The following SV2C variants were observed in gnomAD, a reference collection of about 807,000 sequenced individuals.
SV2C encodes synaptic vesicle glycoprotein 2C, also known as solute carrier family 22 member B3.
SV2C carries 49 observed loss-of-function variants against 79.7 expected under a neutral mutation model. The observed-to-expected ratio is 0.61, with a 90% CI of 0.49 to 0.78. The LOEUF (loss-of-function observed/expected upper bound fraction) is 0.78, where lower values mean the gene tolerates loss of function less well. Ranked by LOEUF, SV2C falls within the 30% of genes least tolerant of loss-of-function variation. SV2C has a pLI of 0.00. For missense variants in SV2C, 833 were observed against 912.9 expected (o/e 0.91, Z 1.13); for synonymous variants, 334 against 333.2 (o/e 1.00, Z -0.03).
chr5:76,202,816 G>A (rs1744493831), intron 3 of SV2C, among the ~76,000 whole-genome samples: 1 of 152,126 alleles, frequency 6.6e-6, no homozygotes, highest in South Asian at 2.1e-4. Context: ...AAAATACATA[G>A]CAGTGGATTT....
At chr5:75,909,132 A>G in the SV2C span, among the ~76,000 whole-genome samples, 2 of 152,194 alleles carry the variant, frequency 1.3e-5, no homozygotes, top group South Asian at 2.1e-4. Flanking sequence ...TTCCTGACAG[A>G]TCTTCCATTC....
chr5:76,017,365 C>A, the SV2C span, among the ~76,000 whole-genome samples: 1 of 152,260 alleles, frequency 6.6e-6, no homozygotes, highest in African/African-American at 2.4e-5. Context: ...TGGCTCACTG[C>A]AACCTCCTCC....
chr5:76,195,056 G>A lies in SV2C; in HGVS notation c.718G>A (p.Gly240Ser). The stretch of plus-strand genomic sequence containing the variant: ...TGCCTTCCTTTCTTCATTTGTCCAA[G>A]GTTATGGCTTCTTTCTCTTCTGTCG... ...FFAFLSSFVQ[G>S]YGFFLFCRLL... The change falls in exon 3 of 13, where the codon GGT (glycine) becomes AGT (serine). Residue 240 changes from glycine (G) to serine (S), a missense_variant. Coordinates refer to ENST00000502798, the MANE Select transcript of SV2C (RefSeq NM_014979.4). 2 of 1,614,014 alleles carry A rather than the reference G, an allele frequency of 1.2e-6. No individual in the cohort carries two copies. The highest frequency in any genetic ancestry group is 1.7e-6 in the Non-Finnish European group (2 of 1,179,938).
chr5:76,179,036 AG>A (rs1338011879), intron 2 of SV2C, among the ~76,000 whole-genome samples: 1 of 152,220 alleles, frequency 6.6e-6, no homozygotes, highest in Non-Finnish European at 1.5e-5. Context: ...TCCTGCCAGG[AG>A]TCAAATTGAA....
intron 4 of SV2C, among the ~76,000 whole-genome samples, chr5:76,227,052 G>C (rs114365395): frequency 1.3e-5 from 2 of 152,202 alleles, no homozygotes; most frequent in African/African-American, 4.8e-5. Context: ...GACCTCAGGG[G>C]CCTTCCGGGA....
chr5:76,171,617 G>T (rs1385359821), intron 2 of SV2C, among the ~76,000 whole-genome samples: 5 of 145,576 alleles, frequency 3.4e-5, no homozygotes, highest in South Asian at 2.2e-4. Context: ...GTGGGGGGGG[G>T]GTCAGCCCCC....
chr5:76,015,515 T>C, the SV2C span, among the ~76,000 whole-genome samples: 2 of 152,148 alleles, frequency 1.3e-5, no homozygotes, highest in African/African-American at 4.8e-5. Flanking sequence ...TGAGTCAAAT[T>C]CTGTGGGTAA....
intron 12 of SV2C, among the ~76,000 whole-genome samples, chr5:76,310,346 A>G (rs901702251): frequency 1.3e-5 from 2 of 152,204 alleles, no homozygotes; most frequent in African/African-American, 4.8e-5. Flanking sequence ...CTGACATTTG[A>G]GCAAAGACCC....
At chr5:76,130,238 G>A (rs1748842468) in intron 1 of SV2C, among the ~76,000 whole-genome samples, 1 of 145,316 alleles carries the variant, frequency 6.9e-6, no homozygotes, top group Non-Finnish European at 1.5e-5. Context: ...TAAAAACCTT[G>A]CAATCATATG....
the SV2C span, among the ~76,000 whole-genome samples, chr5:76,047,597 T>A: frequency 6.6e-6 from 1 of 152,144 alleles, no homozygotes; most frequent in Non-Finnish European, 1.5e-5. Context: ...AAAAATATTA[T>A]GCTATTAATG....
At chr5:75,930,451 TAAC>T in the SV2C span, among the ~76,000 whole-genome samples, 2 of 152,232 alleles carry the variant, frequency 1.3e-5, no homozygotes, top group African/African-American at 4.8e-5. Flanking sequence ...CTGGTTCTAT[TAAC>T]AAAAAGATTC....
intron 2 of SV2C, among the ~76,000 whole-genome samples, chr5:76,150,272 G>A (rs568404917): frequency 6.6e-5 from 10 of 151,870 alleles, no homozygotes; most frequent in Non-Finnish European, 1.0e-4. Flanking sequence ...CTGCCTCTCG[G>A]GTTCAAGTGA....
At chr5:75,948,878 C>T in the SV2C span, among the ~76,000 whole-genome samples, 6 of 151,950 alleles carry the variant, frequency 3.9e-5, no homozygotes, top group African/African-American at 1.2e-4. Context: ...AGATTACATA[C>T]GACTTTGAAG....
the SV2C span, among the ~76,000 whole-genome samples, chr5:75,862,374 C>A: frequency 6.6e-6 from 1 of 152,160 alleles, no homozygotes; most frequent in East Asian, 1.9e-4. Flanking sequence ...GGACCTAATG[C>A]CATTTGCCTA....
At chr5:76,019,280 A>G in the SV2C span, among the ~76,000 whole-genome samples, 1 of 152,142 alleles carries the variant, frequency 6.6e-6, no homozygotes, top group Non-Finnish European at 1.5e-5. Context: ...TTTGCTGACC[A>G]TTTGGTGACC....
At chr5:76,344,436 C>T (rs867128040) in intron 12 of SV2C, among the ~76,000 whole-genome samples, 2 of 152,224 alleles carry the variant, frequency 1.3e-5, no homozygotes, top group Non-Finnish European at 2.9e-5. Flanking sequence ...AGGCCGGGTG[C>T]GGTGGCTCAC....
At chr5:75,852,571 A>C in the SV2C span, among the ~76,000 whole-genome samples, 1 of 152,226 alleles carries the variant, frequency 6.6e-6, no homozygotes. Flanking sequence ...TTCTTCAAAC[A>C]TAAAGGCAAA....
chr5:76,295,818 C>A lies in SV2C; in HGVS notation c.1378C>A (p.Pro460Thr). ...CGTTTGGTTCCCTGATGTCATTAAACCTCTGCAGTCCGATGAATATGCATT... is the reference window on the plus strand; with the variant it reads ...CGTTTGGTTCCCTGATGTCATTAAAACTCTGCAGTCCGATGAATATGCATT... ...LSVWFPDVIK[P>T]LQSDEYALLT... Residue 460 changes from proline to threonine, a missense_variant, in exon 9 of 13, where the codon CCT (proline) becomes ACT (threonine). By Grantham distance (38) the Pro-to-Thr change is conservative. Transcript: ENST00000502798. 6.2e-7 allele frequency: 1 copy of A among 1,612,950 alleles called. No individual in the cohort carries two copies. Among genetic ancestry groups the A allele is most frequent in the Non-Finnish European group, 8.5e-7 (1 of 1,179,656 alleles).
intron 12 of SV2C, among the ~76,000 whole-genome samples, chr5:76,345,207 C>T (rs1178327961): frequency 6.6e-6 from 1 of 152,232 alleles, no homozygotes; most frequent in African/African-American, 2.4e-5. Context: ...CACCAACAAA[C>T]AATGGCTTAG....
Sources: gnomAD v4.1 joint callset for allele counts (sites outside exome capture counted in the v4.1 genomes callset) on GRCh38, gnomAD v4.1.1 for gene constraint, MANE v1.5 for transcripts, NCBI Gene and HGNC (gene_info 2026-07-23, HGNC 2026-07-21) for gene names.